Variants in HLA-DRB1 observed in about 807,000 individuals in gnomAD.
HLA-DRB1 encodes major histocompatibility complex, class II, DR beta 1.
In HLA-DRB1, 10 loss-of-function variants were observed where a neutral mutation model predicts 27.9. That is an observed-to-expected ratio of 0.36 (90% CI 0.22 to 0.61). The LOEUF is 0.61. Among genes scored for constraint, HLA-DRB1 ranks in the 20% least tolerant of loss-of-function variants. The probability of loss-of-function intolerance (pLI) is 0.73; values close to 1 mark genes in which losing one functional copy is unlikely to be tolerated. For synonymous variants in HLA-DRB1, 57 were observed against 126.7 expected (o/e 0.45, Z 3.69); for missense variants, 118 against 306.3 (o/e 0.39, Z 4.59).
chr6:32,585,365 C>A (rs9270022), intron 1 of HLA-DRB1, among the ~76,000 whole-genome samples: 10 of 87,188 alleles, frequency 1.1e-4, no homozygotes, highest in Admixed American at 9.9e-4. Flanking sequence ...AATAAAAACA[C>A]GATCTCTTCT....
chr6:32,583,346 C>T (rs112025959), intron 2 of HLA-DRB1, among the ~76,000 whole-genome samples: 5,439 of 43,294 alleles, frequency 0.13, 1,810 homozygotes, highest in Non-Finnish European at 0.15. Flanking sequence ...AGTTGTGTCA[C>T]AAATATTATA....
At chr6:32,589,488 T>A (rs1674230365) in intron 1 of HLA-DRB1, among the ~76,000 whole-genome samples, 155 bp downstream of exon 1, 1 of 124,000 alleles carries the variant, frequency 8.1e-6, no homozygotes, top group African/African-American at 3.1e-5. Flanking sequence ...CAAGCTCCTT[T>A]TATGGAGGAA....
At chr6:32,589,264 C>T (rs9270256) in intron 1 of HLA-DRB1, among the ~76,000 whole-genome samples, 1,991 of 136,356 alleles carry the variant, frequency 0.015, 26 homozygotes, top group Admixed American at 0.024. Context: ...TCCCTTGACT[C>T]CCACAAAATT....
At chr6:32,579,823 G>GAAAAGTTCTCCAAGTCCCCA (rs1554122881) in intron 5 of HLA-DRB1, among the ~76,000 whole-genome samples, 3 of 40,466 alleles carry the variant, frequency 7.4e-5, no homozygotes, top group South Asian at 6.1e-4. Context: ...CCTCTTGTAG[G>GAAAAGTTCTCCAAGTCCCCA]CCGGGCGCGG....
intron 1 of HLA-DRB1, among the ~76,000 whole-genome samples, chr6:32,588,870 G>T (rs1776934814): frequency 9.2e-6 from 1 of 108,618 alleles, no homozygotes; most frequent in Non-Finnish European, 1.9e-5. Flanking sequence ...AGATGCAAGA[G>T]AAACAAGTAC....
chr6:32,580,677 C>CGT, intron 4 of HLA-DRB1, 69 bp downstream of exon 4: 1 of 1,343,716 alleles, frequency 7.4e-7, no homozygotes, highest in Non-Finnish European at 1.0e-6. Flanking sequence ...TGAGAACTAA[C>CGT]CTCAGCAAAG....
chr6:32,584,592 C>T (rs71540455), intron 1 of HLA-DRB1, among the ~76,000 whole-genome samples: 1,899 of 128,438 alleles, frequency 0.015, 43 homozygotes, highest in South Asian at 0.056. Flanking sequence ...CCCTTCTCAT[C>T]CCCAGGCTTT....
chr6:32,589,629 C>A lies in HLA-DRB1; in HGVS notation c.100+14G>T. The A allele has an allele frequency of 2.5e-6, 2 of 792,448 alleles. No individual in the cohort carries two copies. The highest frequency in any genetic ancestry group is 3.5e-6 in the Non-Finnish European group (2 of 572,908). The allele number at this position is 792,448 out of a possible 1,614,324, so 49.1% of individuals were successfully genotyped here. ...CCACCCCATAGTAGCTCAGCACCCG[C>A]AATGTGCACTTACGTCGGGTGTCCC... is the stretch of plus-strand genomic sequence containing the variant. On this transcript the variant is annotated intron_variant, in intron 1 of 5. Transcript: ENST00000360004.
At chr6:32,584,746 C>CATTTAAA (rs1776148574) in intron 1 of HLA-DRB1, among the ~76,000 whole-genome samples, 2 of 92,872 alleles carry the variant, frequency 2.2e-5, no homozygotes, top group East Asian at 3.1e-4. Flanking sequence ...CACGCTTTAC[C>CATTTAAA]GGTACCTTCA....
chr6:32,589,543 A>G (rs35543780), intron 1 of HLA-DRB1, 100 bp downstream of exon 1: 489 of 513,064 alleles, frequency 9.5e-4, no homozygotes, highest in Middle Eastern at 2.2e-3. Flanking sequence ...TCTGAAGAAA[A>G]CGTCACAATT....
In HLA-DRB1 at chr6:32,586,609, G is replaced by A. The variant is rs9270090; in HGVS notation, c.101-2231C>T. On this transcript the variant is annotated intron_variant, in intron 1 of 5. Transcript: ENST00000360004. Reference sequence around the variant, plus strand: ...CATCTCCCTATGTATCCTCTTCCACGCCCTGGAATTTAACACACTACACGT... The same window carrying A: ...CATCTCCCTATGTATCCTCTTCCACACCCTGGAATTTAACACACTACACGT... Among the ~76,000 whole-genome samples the A allele has an allele frequency of 7.5e-5, 3 of 40,016 alleles. 1 individual carries two copies. Among genetic ancestry groups the A allele is most frequent in the South Asian group, 1.6e-3 (2 of 1,284 alleles). The allele number at this position is 40,016 out of a possible 152,430, so 26.3% of individuals were successfully genotyped here.
intron 2 of HLA-DRB1, among the ~76,000 whole-genome samples, chr6:32,582,152 C>T (rs113277075): frequency 0.13 from 15,949 of 122,220 alleles, 2,136 homozygotes; most frequent in Non-Finnish European, 0.14. Context: ...GCCAGGTTGC[C>T]TGGTTCGAAT....
chr6:32,581,176 C>T (rs28732306), intron 3 of HLA-DRB1, among the ~76,000 whole-genome samples: 1,547 of 77,028 alleles, frequency 0.02, 36 homozygotes, highest in East Asian at 0.038. Flanking sequence ...GATTGGACTC[C>T]CCTCATGTCA....
At chr6:32,582,273 A>G (rs1484330808) in intron 2 of HLA-DRB1, among the ~76,000 whole-genome samples, 4 of 132,110 alleles carry the variant, frequency 3.0e-5, no homozygotes, top group Non-Finnish European at 6.4e-5. Context: ...TCTTGGGGTT[A>G]TATGAGGATT....
At chr6:32,586,705 G>T (rs9270095) in intron 1 of HLA-DRB1, among the ~76,000 whole-genome samples, 18,192 of 54,770 alleles carry the variant, frequency 0.33, 4,824 homozygotes, top group Middle Eastern at 0.34. Flanking sequence ...ATTGACCTTC[G>T]GATTTCTCCA....
intron 1 of HLA-DRB1, among the ~76,000 whole-genome samples, chr6:32,586,300 C>A (rs1776383052): frequency 1.0e-5 from 1 of 100,376 alleles, no homozygotes; most frequent in African/African-American, 4.0e-5. Flanking sequence ...CTCGTCCTCA[C>A]TTTTACTCAC....
chr6:32,582,158 C>G (rs35095850), intron 2 of HLA-DRB1, among the ~76,000 whole-genome samples: 31,545 of 111,436 alleles, frequency 0.28, 1,430 homozygotes, highest in East Asian at 0.34. Context: ...TTGCCTGGTT[C>G]GAATCCAAGG....
intron 2 of HLA-DRB1, among the ~76,000 whole-genome samples, chr6:32,583,389 TACC>T (rs139753224): frequency 0.14 from 6,295 of 44,980 alleles, 1,895 homozygotes; most frequent in Non-Finnish European, 0.16. Context: ...ACTAGAAAAC[TACC>T]AGCATTATAA....
chr6:32,582,803 C>T (rs35662241), intron 2 of HLA-DRB1, among the ~76,000 whole-genome samples: 15,805 of 129,674 alleles, frequency 0.12, 2,300 homozygotes, highest in Non-Finnish European at 0.13. Context: ...GTCTGGGACT[C>T]GTTACTTGGG....
Sources: allele counts gnomAD v4.1 joint callset (sites outside exome capture counted in the v4.1 genomes callset), GRCh38; gene constraint gnomAD v4.1.1; transcripts MANE v1.5; gene names NCBI Gene and HGNC (gene_info 2026-07-23, HGNC 2026-07-21).